LONRF2: variants seen among roughly 807,000 people sequenced by gnomAD.
LONRF2 encodes LON peptidase N-terminal domain and RING finger protein 2.
Under a neutral mutation model 66.6 loss-of-function variants are expected in LONRF2, and 35 were observed. That is an observed-to-expected ratio of 0.53 (90% CI 0.40 to 0.70). The LOEUF (loss-of-function observed/expected upper bound fraction) is 0.70, where lower values mean the gene tolerates loss of function less well. Ranked by LOEUF, LONRF2 falls within the 30% of genes least tolerant of loss-of-function variation. The probability of loss-of-function intolerance (pLI) is 0.00; values close to 1 mark genes in which losing one functional copy is unlikely to be tolerated. For synonymous variants in LONRF2, 417 were observed against 418.1 expected (o/e 1.00, Z 0.03); for missense variants, 902 against 1,002.1 (o/e 0.90, Z 1.35).
At chr2:100,316,640 T>C (rs1168171361) in intron 1 of LONRF2, among the ~76,000 whole-genome samples, 1 of 152,178 alleles carries the variant, frequency 6.6e-6, no homozygotes, top group African/African-American at 2.4e-5. Flanking sequence ...ACGCTCTGCC[T>C]ATGGTCATGG....
At position 100,321,501 on chromosome 2, in the gene LONRF2, C is replaced by T. The variant is rs1268348548; in HGVS notation, c.593G>A (p.Arg198His). ...EKCFPAECRL[R>H]RLAGQARSLQ... ...GCTCCGCGCCTGGCCTGCCAGCCTG[C>T]GCAGCCGGCACTCGGCCGGGAAGCA... is the stretch of plus-strand genomic sequence containing the variant. Residue 198 changes from arginine (R) to histidine (H), a missense_variant, in exon 1 of 12, where the codon CGC (arginine) becomes CAC (histidine). Arg to His is a conservative substitution (Grantham distance 29). Coordinates refer to ENST00000393437, the MANE Select transcript of LONRF2 (RefSeq NM_198461.4). 1 of 1,542,114 alleles carries T rather than the reference C, an allele frequency of 6.5e-7. No individual in the cohort carries two copies. The highest frequency in any genetic ancestry group is 8.6e-7 in the Non-Finnish European group (1 of 1,156,484).
chr2:100,287,564 A>G (rs915537529), intron 10 of LONRF2, among the ~76,000 whole-genome samples: 4 of 152,196 alleles, frequency 2.6e-5, no homozygotes, highest in Admixed American at 1.3e-4. Flanking sequence ...ATTGTATTCC[A>G]TATCACCAAA....
chr2:100,319,793 T>C (rs1443528386), intron 1 of LONRF2, among the ~76,000 whole-genome samples: 4 of 152,328 alleles, frequency 2.6e-5, no homozygotes, highest in African/African-American at 9.6e-5. Flanking sequence ...TCTCTAACAA[T>C]GACATACACT....
intron 9 of LONRF2, among the ~76,000 whole-genome samples, chr2:100,293,346 G>A (rs1322906103): frequency 6.6e-6 from 1 of 152,192 alleles, no homozygotes; most frequent in Admixed American, 6.5e-5. Context: ...TATTTATGGT[G>A]GAAAATTCTG....
In LONRF2 at chr2:100,284,495, G is replaced by A. The variant is rs775991596; in HGVS notation, c.2071-3C>T. On this transcript the variant is annotated splice_polypyrimidine_tract_variant and splice_region_variant and intron_variant, in intron 11 of 11. Coordinates refer to ENST00000393437, the MANE Select transcript of LONRF2 (RefSeq NM_198461.4). ...CAGGCAGGGCCGCTGGGATTACTCTGCAAAAGAGATGAGGGGAAAGCAAGG... is the reference window on the plus strand; with the variant it reads ...CAGGCAGGGCCGCTGGGATTACTCTACAAAAGAGATGAGGGGAAAGCAAGG... 2 of 1,559,148 alleles carry A rather than the reference G, an allele frequency of 1.3e-6. No individual in the cohort carries two copies. Among genetic ancestry groups the A allele is most frequent in the East Asian group, 4.6e-5 (2 of 43,376 alleles).
chr2:100,322,261 G>T lies in LONRF2; in HGVS notation c.-168C>A, dbSNP rs1675655815. 10 of 607,974 alleles carry T rather than the reference G, an allele frequency of 1.6e-5. No individual in the cohort carries two copies. The highest frequency in any genetic ancestry group is 2.3e-5 in the Non-Finnish European group (10 of 433,280). The allele number at this position is 607,974 out of a possible 1,614,324, so 37.7% of individuals were successfully genotyped here. On this transcript the variant is annotated 5_prime_UTR_variant, in exon 1 of 12. Transcript: ENST00000393437. ...GCTGAGACCGCGGGCGGGGGCGGGC[G>T]CCTGGCTTGGGCAGCGTCCTCAGCG...
At position 100,273,156 on chromosome 2, in the gene LONRF2, C is replaced by T. The variant is rs1026234296; in HGVS notation, c.*11142G>A. The T allele has an allele frequency of 1.1e-4, 16 of 152,198 alleles. No individual in the cohort carries two copies. The highest frequency in any genetic ancestry group is 3.9e-4 in the African/African-American group (16 of 41,444). 9.4% of individuals were successfully genotyped at this position (152,198 alleles called of 1,614,324 possible). On this transcript the variant is annotated 3_prime_UTR_variant, in exon 12 of 12. Coordinates refer to ENST00000393437, the MANE Select transcript of LONRF2 (RefSeq NM_198461.4). ...GACACGGAAACTGGAGTGATGCAGC[C>T]GCTGGCCGAGGAAGGCCGAGGTCGG... is the stretch of plus-strand genomic sequence containing the variant.
At position 100,283,241 on chromosome 2, in the gene LONRF2, T is replaced by A. The variant is rs755906850; in HGVS notation, c.*1057A>T. On this transcript the variant is annotated 3_prime_UTR_variant, in exon 12 of 12. Coordinates refer to ENST00000393437, the MANE Select transcript of LONRF2 (RefSeq NM_198461.4). ...TCAAAAAAATAAAGATAATTTTAGG[T>A]TGGTGTTGGAGAAAAACTTACTGAA... 3.3e-5 allele frequency: 5 copies of A among 152,216 alleles called. No homozygotes were observed. The highest frequency in any genetic ancestry group is 5.9e-5 in the Non-Finnish European group (4 of 68,044). The allele number at this position is 152,216 out of a possible 1,614,324, so 9.4% of individuals were successfully genotyped here. A position where few individuals can be genotyped will look rare whatever the true frequency, so the allele number is the denominator to read the frequency against.
rs184118834 is a variant in LONRF2, at chr2:100,318,673, C to T, written c.679+2742G>A. Among the ~76,000 whole-genome samples the T allele has an allele frequency of 3.7e-3, 549 of 150,276 alleles. 7 individuals are homozygous for T. The highest frequency in any genetic ancestry group is 0.012 in the African/African-American group (509 of 40,918). On this transcript the variant is annotated intron_variant, in intron 1 of 11. Coordinates refer to ENST00000393437, the MANE Select transcript of LONRF2 (RefSeq NM_198461.4). The stretch of plus-strand genomic sequence containing the variant: ...GAAACACGTCTCTACTAAACACACA[C>T]ACAAAAAAAATACGAGGCATGGTGG...
intron 7 of LONRF2, among the ~76,000 whole-genome samples, chr2:100,296,819 A>G (rs1283565728): frequency 6.6e-6 from 1 of 152,230 alleles, no homozygotes; most frequent in African/African-American, 2.4e-5. Flanking sequence ...TCTACTTGGC[A>G]TGATGCTAGC....
intron 2 of LONRF2, among the ~76,000 whole-genome samples, chr2:100,308,280 G>A (rs949425990): frequency 2.0e-5 from 3 of 152,054 alleles, no homozygotes; most frequent in Non-Finnish European, 2.9e-5. Context: ...TGAGGCAGGA[G>A]AATTGCCTAG....
intron 6 of LONRF2, 66 bp downstream of exon 6, chr2:100,299,160 A>G (rs1228796932): frequency 8.4e-7 from 1 of 1,187,506 alleles, no homozygotes; most frequent in Non-Finnish European, 1.2e-6. Context: ...AGCCCATTAC[A>G]CTTTGGTATA....
intron 10 of LONRF2, 25 bp from the exon 11 acceptor site, chr2:100,287,088 G>A (rs1674862516): frequency 2.5e-6 from 4 of 1,609,962 alleles, no homozygotes; most frequent in Non-Finnish European, 3.4e-6. Flanking sequence ...AGGCACAGCT[G>A]TGTGAACCAT....
At chr2:100,307,639 A>G (rs1318974051) in intron 2 of LONRF2, among the ~76,000 whole-genome samples, 1 of 152,214 alleles carries the variant, frequency 6.6e-6, no homozygotes, top group Non-Finnish European at 1.5e-5. Flanking sequence ...TCAGCTGAAC[A>G]GGAGAAATAA....
At position 100,283,593 on chromosome 2, in the gene LONRF2, C is replaced by T. The variant is rs1674783367; in HGVS notation, c.*705G>A. ...TGTGTGTAAATATATATATATATAT[C>T]CTCAAGTGAATGATACTGTTCTCAG... On this transcript the variant is annotated 3_prime_UTR_variant, in exon 12 of 12. Coordinates refer to ENST00000393437, the MANE Select transcript of LONRF2 (RefSeq NM_198461.4). 1 of 135,732 alleles carries T rather than the reference C, an allele frequency of 7.4e-6. No homozygotes were observed. Among genetic ancestry groups the T allele is most frequent in the African/African-American group, 2.8e-5 (1 of 35,838 alleles). The allele number at this position is 135,732 out of a possible 1,614,324, so 8.4% of individuals were successfully genotyped here. A position where few individuals can be genotyped will look rare whatever the true frequency, so the allele number is the denominator to read the frequency against.
Position 100,284,040 on chromosome 2 carries a change from C to T in LONRF2, c.*258G>A, listed in dbSNP as rs1674793792. On this transcript the variant is annotated 3_prime_UTR_variant, in exon 12 of 12. Coordinates refer to ENST00000393437, the MANE Select transcript of LONRF2 (RefSeq NM_198461.4). ...CTGTCAGTGAACTGCATTCCCCAAG[C>T]ACCTGCTTCTAAGAGATTTTCTTAG... 1.1e-5 allele frequency: 4 copies of T among 369,684 alleles called. No homozygotes were observed. The highest frequency in any genetic ancestry group is 2.1e-5 in the African/African-American group (1 of 48,096). 22.9% of individuals were successfully genotyped at this position (369,684 alleles called of 1,614,324 possible).
intron 9 of LONRF2, 28 bp from the exon 10 acceptor site, chr2:100,290,448 GT>G: frequency 6.3e-7 from 1 of 1,582,068 alleles, no homozygotes; most frequent in Non-Finnish European, 8.6e-7. Context: ...AGAAATGACT[GT>G]GATTTTTAAA....
intron 9 of LONRF2, among the ~76,000 whole-genome samples, chr2:100,291,319 T>C (rs1234843238): frequency 6.6e-6 from 1 of 152,166 alleles, no homozygotes; most frequent in Non-Finnish European, 1.5e-5. Context: ...AGTCATGCCC[T>C]GCAGTGAGGC....
At position 100,322,031 on chromosome 2, in the gene LONRF2, C is replaced by T; in HGVS notation, c.63G>A (p.Glu21=). Residue 21 remains glutamate (E), a synonymous_variant, in exon 1 of 12, where the codon GAG becomes GAA. Coordinates refer to ENST00000393437, the MANE Select transcript of LONRF2 (RefSeq NM_198461.4). ...PPQCPGCDRA[E]PIAQRLEEGD... Reference sequence around the variant, plus strand: ...CCTCCTCTAAGCGCTGGGCGATCGGCTCCGCGCGGTCGCAGCCAGGACACT... The same window carrying T: ...CCTCCTCTAAGCGCTGGGCGATCGGTTCCGCGCGGTCGCAGCCAGGACACT... 3 of 1,369,740 alleles carry T rather than the reference C, an allele frequency of 2.2e-6. No homozygotes were observed. The highest frequency in any genetic ancestry group is 2.8e-6 in the Non-Finnish European group (3 of 1,062,546). 84.8% of individuals were successfully genotyped at this position (1,369,740 alleles called of 1,614,324 possible). A position where few individuals can be genotyped will look rare whatever the true frequency, so the allele number is the denominator to read the frequency against.
Sources: allele counts gnomAD v4.1 joint callset (sites outside exome capture counted in the v4.1 genomes callset), GRCh38; gene constraint gnomAD v4.1.1; transcripts MANE v1.5; gene names NCBI Gene and HGNC (gene_info 2026-07-23, HGNC 2026-07-21).